LOXHD1: variants seen among roughly 807,000 people sequenced by gnomAD.
LOXHD1 encodes the protein lipoxygenase homology PLAT domains 1, also known as lipoxygenase homology domain-containing protein 1.
LOXHD1 carries 205 observed loss-of-function variants against 248.2 expected under a neutral mutation model. The ratio of observed to expected loss-of-function variants is 0.83; its 90% CI spans 0.74 to 0.93. The LOEUF is 0.93. Among genes scored for constraint, LOXHD1 ranks in the 40% least tolerant of loss-of-function variants. The pLI, the probability that LOXHD1 is intolerant of heterozygous loss-of-function variation, is 0.00. For missense variants in LOXHD1, 2,930 were observed against 2,971.6 expected, an observed-to-expected ratio of 0.99 and a Z score of 0.33; for synonymous variants, 1,113 against 1,162.8, an observed-to-expected ratio of 0.96 and a Z score of 0.87.
intron 5 of LOXHD1, among the ~76,000 whole-genome samples, chr18:46,616,460 G>A (rs2038588770): frequency 6.6e-6 from 1 of 152,076 alleles, no homozygotes; most frequent in South Asian, 2.1e-4. Flanking sequence ...GATTTTAATT[G>A]TTGAGGTCCA....
intron 4 of LOXHD1, among the ~76,000 whole-genome samples, chr18:46,632,719 TA>T (rs2038842011): frequency 6.6e-6 from 1 of 152,114 alleles, no homozygotes; most frequent in Admixed American, 6.5e-5. Flanking sequence ...CCAGGGATAA[TA>T]AATGCGGATA....
rs2035626381 is a variant in LOXHD1 at position 46,522,439 on chromosome 18, T to G, written c.4877-130A>C. ...CTCCTTGCTCAGAGACAAAGTGCAG[T>G]GAGCCCTTCAGACTGGTAAGTTATC... On this transcript the variant is annotated intron_variant, in intron 31 of 40. Transcript: ENST00000642948. 5.6e-6 allele frequency: 4 copies of G among 717,966 alleles called. No individual in the cohort carries two copies. The Admixed American group carries it at 9.8e-5, about 18-fold the overall frequency. 44.5% of individuals were successfully genotyped at this position (717,966 alleles called of 1,614,324 possible).
At chr18:46,540,738 C>G (rs2036526507) in intron 25 of LOXHD1, among the ~76,000 whole-genome samples, 1 of 148,084 alleles carries the variant, frequency 6.8e-6, no homozygotes, top group Admixed American at 7.1e-5. Context: ...AAGGGTCCCA[C>G]CCAGTGCTGC....
rs377348094 is a variant in LOXHD1 at position 46,614,872 on chromosome 18, C to T, written c.610+3320G>A. The stretch of plus-strand genomic sequence containing the variant: ...ACACATTACCTTTTTCCCTATTCTT[C>T]GAAACTATTTATATAAGATGGAGAT... On this transcript the variant is annotated intron_variant, in intron 5 of 40. Transcript: ENST00000642948. Among the ~76,000 whole-genome samples the T allele has an allele frequency of 1.2e-3, 178 of 152,044 alleles. 1 individual carries two copies. Among genetic ancestry groups the T allele is most frequent in the Admixed American group, 7.7e-3 (118 of 15,278 alleles).
chr18:46,601,591 C>T lies in LOXHD1; in HGVS notation c.884-124G>A, dbSNP rs529861351. The T allele has an allele frequency of 1.4e-5, 18 of 1,326,748 alleles. No individual in the cohort carries two copies. In the Admixed American group the frequency reaches 2.8e-4, roughly 20 times the overall value. 82.2% of individuals were successfully genotyped at this position (1,326,748 alleles called of 1,614,324 possible). ...TCCTCCTCCACACATCCTCTTTCCCCATCATGTCCTACTCCTCCAGATGCC... is the reference window on the plus strand; with the variant it reads ...TCCTCCTCCACACATCCTCTTTCCCTATCATGTCCTACTCCTCCAGATGCC... On this transcript the variant is annotated intron_variant, in intron 7 of 40. Coordinates refer to ENST00000642948, the MANE Select transcript of LOXHD1 (RefSeq NM_001384474.1).
intron 33 of LOXHD1, among the ~76,000 whole-genome samples, chr18:46,520,085 C>A (rs939666831): frequency 6.6e-6 from 1 of 152,108 alleles, no homozygotes; most frequent in Admixed American, 6.5e-5. Flanking sequence ...GTGTGCTCAC[C>A]CACACCATCC....
chr18:46,547,017 T>G lies in LOXHD1; in HGVS notation c.3392A>C (p.Asp1131Ala). 6.4e-7 allele frequency: 1 copy of G among 1,551,736 alleles called. No individual in the cohort carries two copies. The change falls in exon 22 of 41, where the codon GAT becomes GCT. Residue 1131 changes from aspartate to alanine, a missense_variant. Asp to Ala is a moderately radical substitution (Grantham distance 126). Coordinates refer to ENST00000642948, the MANE Select transcript of LOXHD1 (RefSeq NM_001384474.1). ...CAGCTCCCTGGACAGCTGGCCATCA[T>G]CTTCCTCCACTGCCAGCCAACGTTG... Reference protein sequence around the residue: ...PCQRWLAVEEDDGQLSRELLP... With the variant: ...PCQRWLAVEEADGQLSRELLP...
At chr18:46,583,900 A>C (rs2038010293) in intron 12 of LOXHD1, among the ~76,000 whole-genome samples, 1 of 152,152 alleles carries the variant, frequency 6.6e-6, no homozygotes. Flanking sequence ...TCTCATGTTT[A>C]TTGCATCATC....
chr18:46,535,573 C>T (rs1055207418), intron 26 of LOXHD1, among the ~76,000 whole-genome samples: 56 of 126,938 alleles, frequency 4.4e-4, no homozygotes, highest in Non-Finnish European at 8.1e-4. Flanking sequence ...AGGATGGCTG[C>T]CTCTGTTTTT....
At chr18:46,577,909 C>T (rs1258333573) in intron 13 of LOXHD1, 42 bp from the exon 14 acceptor site, 1 of 1,548,160 alleles carries the variant, frequency 6.5e-7, no homozygotes. Context: ...CAGTGGCTAC[C>T]CCAGGACCCA....
Position 46,563,208 on chromosome 18 carries a change from C to A in LOXHD1, c.2455G>T (p.Glu819Ter). ...EIQKLVHYEVEIWTGDVGGAG... is the reference protein window; with the variant it reads ...EIQKLVHYEV ...CCACCCACATCTCCTGTCCAAATCT[C>A]AACCTCATAGTGGACCACTGGGTGG... is the stretch of plus-strand genomic sequence containing the variant. Residue 819 changes from glutamate (E) to a stop codon, truncating the protein, a stop_gained, in exon 18 of 41, where the codon GAG becomes TAG. Transcript: ENST00000642948. LOFTEE classifies it high-confidence loss of function. 1 of 1,513,656 alleles carries A rather than the reference C, an allele frequency of 6.6e-7. No homozygotes were observed. The highest frequency in any genetic ancestry group is 9.0e-7 in the Non-Finnish European group (1 of 1,116,406). The allele number at this position is 1,513,656 out of a possible 1,614,324, so 93.8% of individuals were successfully genotyped here.
At chr18:46,537,389 T>C (rs1038525975) in intron 26 of LOXHD1, among the ~76,000 whole-genome samples, 3 of 152,218 alleles carry the variant, frequency 2.0e-5, no homozygotes. Flanking sequence ...GGTTAGCCTA[T>C]GACAGTGCCC....
chr18:46,518,871 A>AGC, intron 33 of LOXHD1: 1 of 985,694 alleles, frequency 1.0e-6, no homozygotes, highest in Non-Finnish European at 1.2e-6. Context: ...ATCGGGAGTG[A>AGC]TTCTTACAGA....
In LOXHD1 at chr18:46,479,236, A is replaced by ATATGTG. The variant is rs1555651834; in HGVS notation, c.6342-1285_6342-1284insCACATA. 4.9e-5 allele frequency among the ~76,000 whole-genome samples: 7 copies of ATATGTG among 142,892 alleles called. 1 individual carries two copies. In the South Asian group the frequency reaches 1.6e-3, roughly 33 times the overall value. 93.7% of individuals were successfully genotyped at this position (142,892 alleles called of 152,430 possible). On this transcript the variant is annotated intron_variant, in intron 40 of 40. Transcript: ENST00000642948. ...GAACAAAGAGTTTGTATATATATGT[A>ATATGTG]TGTGTGTGTGTGTGTGTGTGTGTGT...
intron 1 of LOXHD1, among the ~76,000 whole-genome samples, chr18:46,655,029 A>G (rs1415339149): frequency 6.6e-6 from 1 of 152,170 alleles, no homozygotes; most frequent in Non-Finnish European, 1.5e-5. Flanking sequence ...CCTCATCTGA[A>G]AAAAAAGGAT....
chr18:46,560,048 T>TGCCC, intron 19 of LOXHD1, 35 bp downstream of exon 19: 1 of 1,226,296 alleles, frequency 8.2e-7, no homozygotes, highest in Non-Finnish European at 1.1e-6. Context: ...GTCTGGCCAC[T>TGCCC]CCCTCCCCAC....
At chr18:46,650,046 A>T (rs1215600573) in intron 1 of LOXHD1, among the ~76,000 whole-genome samples, 1 of 152,130 alleles carries the variant, frequency 6.6e-6, no homozygotes, top group African/African-American at 2.4e-5. Context: ...AACTCCTGGA[A>T]TCACAGCACA....
At position 46,647,166 on chromosome 18, in the gene LOXHD1, C is replaced by T. The variant is rs190958596; in HGVS notation, c.245+1989G>A. Among the ~76,000 whole-genome samples the T allele has an allele frequency of 1.0e-3, 153 of 152,302 alleles. 1 individual carries two copies. Among genetic ancestry groups the T allele is most frequent in the African/African-American group, 3.6e-3 (149 of 41,558 alleles). ...GTTGATTCCCATCCTCAGGGCTGCC[C>T]AGGAGAAGCTGGCTGCCCCATGGGA... On this transcript the variant is annotated intron_variant, in intron 2 of 40. Coordinates refer to ENST00000642948, the MANE Select transcript of LOXHD1 (RefSeq NM_001384474.1).
chr18:46,514,903 C>T (rs1015118797), intron 34 of LOXHD1, among the ~76,000 whole-genome samples: 3 of 152,222 alleles, frequency 2.0e-5, no homozygotes, highest in African/African-American at 7.2e-5. Context: ...ACCCACTGGA[C>T]ACCAATCGCC....
Sources: allele counts gnomAD v4.1 joint callset (sites outside exome capture counted in the v4.1 genomes callset), GRCh38; gene constraint gnomAD v4.1.1; transcripts MANE v1.5; gene names NCBI Gene and HGNC (gene_info 2026-07-23, HGNC 2026-07-21).